The following COQ2 variants were observed in gnomAD, a reference collection of about 807,000 sequenced individuals.
COQ2 encodes the protein 4-hydroxybenzoate polyprenyltransferase, mitochondrial.
A neutral mutation model predicts 35.7 loss-of-function variants in COQ2; 25 were observed. That is an observed-to-expected ratio of 0.70 (90% CI 0.51 to 0.98). The LOEUF (loss-of-function observed/expected upper bound fraction) is 0.98. Ranked by LOEUF, COQ2 falls within the 50% of genes least tolerant of loss-of-function variation. COQ2 has a pLI of 0.00. For synonymous variants in COQ2, 206 were observed against 186.2 expected, an observed-to-expected ratio of 1.11 and a Z score of -0.86; for missense variants, 488 against 473.5, an observed-to-expected ratio of 1.03 and a Z score of -0.28.
Position 83,284,715 on chromosome 4 carries a change from G to T in COQ2, c.50C>A (p.Ala17Glu). The change falls in exon 1 of 7, where the codon GCA becomes GAA. Residue 17 changes from alanine (A) to glutamate (E), a missense_variant. Ala to Glu is a moderately radical substitution (Grantham distance 107). Transcript: ENST00000647002. The stretch of plus-strand genomic sequence containing the variant: ...CCGCCAGCCCGGCAGCCACGCCAGT[G>T]CCACAGCCCGCAGGCCCCGCGCGAA... ...AGFARGLRAV[A>E]LAWLPGWRGR... 6.6e-7 allele frequency: 1 copy of T among 1,506,990 alleles called. No homozygotes were observed. Among genetic ancestry groups the T allele is most frequent in the Admixed American group, 2.2e-5 (1 of 46,278 alleles). 93.4% of individuals were successfully genotyped at this position (1,506,990 alleles called of 1,614,324 possible).
rs779808446 is a variant in COQ2 at position 83,272,180 on chromosome 4, G to A, written c.543-8C>T. ...CCTGCTCCCAGAGCTATACTGAAAA[G>A]AGGAAAAACCATTAAAGTGATTATT... On this transcript the variant is annotated splice_region_variant and splice_polypyrimidine_tract_variant and intron_variant, in intron 3 of 6. Transcript: ENST00000647002. 22 of 1,588,674 alleles carry A rather than the reference G, an allele frequency of 1.4e-5. No homozygotes were observed. Among genetic ancestry groups the A allele is most frequent in the Middle Eastern group, 1.7e-4 (1 of 6,022 alleles).
intron 1 of COQ2, 190 bp downstream of exon 1, chr4:83,284,322 G>T (rs1735398705): frequency 1.0e-6 from 1 of 985,054 alleles, no homozygotes; most frequent in Non-Finnish European, 1.2e-6. Flanking sequence ...CCAAGCTCAA[G>T]CTTTCAGGCT....
At chr4:83,280,566 A>C (rs746373357) in intron 1 of COQ2, among the ~76,000 whole-genome samples, 5 of 152,282 alleles carry the variant, frequency 3.3e-5, no homozygotes, top group African/African-American at 7.2e-5. Context: ...CTCATAAATC[A>C]AAAGAAAGAA....
At chr4:83,266,946 A>G in intron 6 of COQ2, 1 of 287,880 alleles carries the variant, frequency 3.5e-6, no homozygotes, top group Non-Finnish European at 6.9e-6. Context: ...TTTATCTGTC[A>G]GTTTGCTTTT....
chr4:83,269,318 T>C (rs1734991647), intron 5 of COQ2, among the ~76,000 whole-genome samples: 1 of 152,076 alleles, frequency 6.6e-6, no homozygotes, highest in South Asian at 2.1e-4. Context: ...AAAGTGACAA[T>C]GACAAAGAAT....
intron 6 of COQ2, chr4:83,266,849 T>C (rs7675135): frequency 4.1e-6 from 1 of 246,392 alleles, no homozygotes; most frequent in Non-Finnish European, 8.1e-6. Flanking sequence ...GTCTTATCTG[T>C]CCTTGGTCTT....
At chr4:83,281,192 A>G (rs1400871090) in intron 1 of COQ2, among the ~76,000 whole-genome samples, 2 of 152,164 alleles carry the variant, frequency 1.3e-5, no homozygotes, top group African/African-American at 2.4e-5. Flanking sequence ...TACTTTCTTT[A>G]CCCTGGAGCT....
chr4:83,277,025 T>C (rs1577989254), intron 2 of COQ2, among the ~76,000 whole-genome samples: 2 of 115,844 alleles, frequency 1.7e-5, no homozygotes, highest in Non-Finnish European at 3.4e-5. Context: ...TAATAGACAC[T>C]GGAGACTCCA....
intron 1 of COQ2, among the ~76,000 whole-genome samples, chr4:83,280,190 A>C (rs1238713051): frequency 6.6e-6 from 1 of 152,220 alleles, no homozygotes; most frequent in Non-Finnish European, 1.5e-5. Context: ...TTAACCAATA[A>C]ACTAGAGGAA....
intron 2 of COQ2, 97 bp downstream of exon 2, chr4:83,278,851 T>G: frequency 7.8e-7 from 1 of 1,286,560 alleles, no homozygotes; most frequent in Non-Finnish European, 1.0e-6. Context: ...GGTCACTGAA[T>G]GATCTTGTTG....
At chr4:83,276,010 T>A (rs1009577667) in intron 2 of COQ2, among the ~76,000 whole-genome samples, 5 of 59,026 alleles carry the variant, frequency 8.5e-5, no homozygotes, top group South Asian at 6.2e-4. Flanking sequence ...GAATATATAT[T>A]ATATATAATA....
At chr4:83,266,981 G>A (rs1310305823) in intron 6 of COQ2, 1 of 320,378 alleles carries the variant, frequency 3.1e-6, no homozygotes, top group African/African-American at 2.2e-5. Context: ...CAAACCACAA[G>A]CTTCAGATAT....
intron 5 of COQ2, among the ~76,000 whole-genome samples, chr4:83,269,585 G>A (rs1263700294): frequency 1.3e-5 from 2 of 152,126 alleles, no homozygotes; most frequent in African/African-American, 4.8e-5. Context: ...ACTTAAAACA[G>A]TGCCTGGCAC....
At chr4:83,278,909 TGAGAA>T in intron 2 of COQ2, 34 bp downstream of exon 2, 2 of 1,518,494 alleles carry the variant, frequency 1.3e-6, no homozygotes. Flanking sequence ...TCTGCAGAAT[TGAGAA>T]GAGCCTCTCT....
Position 83,272,138 on chromosome 4 carries a change from T to C in COQ2, c.577A>G (p.Ile193Val). 2 of 1,611,274 alleles carry C rather than the reference T, an allele frequency of 1.2e-6. No homozygotes were observed. Among genetic ancestry groups the C allele is most frequent in the Non-Finnish European group, 1.7e-6 (2 of 1,178,670 alleles). The part of the protein sequence containing the change: ...ALGAGSLLLV[I>V]TYPLMKRISY... Reference sequence around the variant, plus strand: ...ATTCTTTTCATTAGTGGGTAGGTGATGACAAGAAGTAAGGATCCTGCTCCC... The same window carrying C: ...ATTCTTTTCATTAGTGGGTAGGTGACGACAAGAAGTAAGGATCCTGCTCCC... The change falls in exon 4 of 7, where the codon ATC becomes GTC. Residue 193 changes from isoleucine (I) to valine (V), a missense_variant. Transcript: ENST00000647002.
intron 1 of COQ2, among the ~76,000 whole-genome samples, chr4:83,279,492 T>C (rs1208619082): frequency 6.6e-6 from 1 of 152,198 alleles, no homozygotes; most frequent in East Asian, 1.9e-4. Context: ...GGGAGTTGAA[T>C]ACTCTTATGT....
chr4:83,267,925 T>G (rs554195714), intron 5 of COQ2, among the ~76,000 whole-genome samples, 151 bp from the exon 6 acceptor site: 2 of 152,324 alleles, frequency 1.3e-5, no homozygotes, highest in African/African-American at 2.4e-5. Flanking sequence ...GAAATTGTCT[T>G]TTAAAGAACA....
Position 83,272,120 on chromosome 4 carries a change from T to C in COQ2, c.595A>G (p.Lys199Glu). ...AGTTGAGGCCAGTATGAAATTCTTT[T>C]CATTAGTGGGTAGGTGATGACAAGA... ...LLLVITYPLMKRISYWPQLAL... is the reference protein window; with the variant it reads ...LLLVITYPLMERISYWPQLAL... The change falls in exon 4 of 7, where the codon AAA (lysine) becomes GAA (glutamate). Residue 199 changes from lysine (K) to glutamate (E), a missense_variant. Physicochemically the swap from Lys to Glu is moderately conservative, Grantham distance 56 (BLOSUM62 1). Coordinates refer to ENST00000647002, the MANE Select transcript of COQ2 (RefSeq NM_001358921.2). 1 of 1,610,908 alleles carries C rather than the reference T, an allele frequency of 6.2e-7. No individual in the cohort carries two copies. Among genetic ancestry groups the C allele is most frequent in the Non-Finnish European group, 8.5e-7 (1 of 1,178,586 alleles).
upstream of COQ2, chr4:83,284,891 C>A: frequency 6.6e-7 from 1 of 1,522,666 alleles, no homozygotes; most frequent in Admixed American, 2.0e-5. Flanking sequence ...CTTTCCTCAT[C>A]CTTACTTGTG....
Sources: gnomAD v4.1 joint callset for allele counts (sites outside exome capture counted in the v4.1 genomes callset) on GRCh38, gnomAD v4.1.1 for gene constraint, MANE v1.5 for transcripts, NCBI Gene and HGNC (gene_info 2026-07-23, HGNC 2026-07-21) for gene names.